TBC1D8B: variants seen among roughly 807,000 people sequenced by gnomAD.
TBC1D8B encodes RP11-321G1.1.
TBC1D8B carries 75 observed loss-of-function variants against 82.9 expected under a neutral mutation model. The observed-to-expected ratio is 0.90, with a 90% CI of 0.75 to 1.10. The LOEUF is 1.10. TBC1D8B is among the 50% of genes least tolerant of loss of function. TBC1D8B has a pLI of 0.00. For missense variants in TBC1D8B, 794 were observed against 796.9 expected (o/e 1.00, Z 0.04); for synonymous variants, 276 against 276.8 (o/e 1.00, Z 0.03).
At chrX:106,820,277 G>A (rs1290226302) in intron 2 of TBC1D8B, among the ~76,000 whole-genome samples, 2 of 110,665 alleles carry the variant, frequency 1.8e-5, no homozygotes, top group Non-Finnish European at 3.8e-5. Context: ...CTGATTCAGC[G>A]GGTCACATGG....
intron 7 of TBC1D8B, among the ~76,000 whole-genome samples, chrX:106,830,786 C>T (rs780954999): frequency 2.9e-5 from 2 of 69,923 alleles, no homozygotes; most frequent in Non-Finnish European, 2.5e-5. Context: ...CACACTCTGG[C>T]GACTGTGGTG....
intron 7 of TBC1D8B, among the ~76,000 whole-genome samples, chrX:106,831,137 A>C (rs1932036793): frequency 9.0e-6 from 1 of 110,870 alleles, no homozygotes; most frequent in Non-Finnish European, 1.9e-5. Flanking sequence ...TTTGTATTTT[A>C]ATTAAAATTC....
At position 106,827,170 on chromosome X, in the gene TBC1D8B, G is replaced by T; in HGVS notation, c.1036G>T (p.Val346Phe). Residue 346 changes from valine to phenylalanine, a missense_variant and splice_region_variant, in exon 7 of 21, where the codon GTC (valine) becomes TTC (phenylalanine). Coordinates refer to ENST00000357242, the MANE Select transcript of TBC1D8B (RefSeq NM_017752.3). The stretch of plus-strand genomic sequence containing the variant: ...GACCTCTATGTTTTTCACCCCCTAG[G>T]TCTTAGCTATAGATAAGACAAATGA... ...QCSVIIPLRE[V>F]LAIDKTNDSS... The T allele has an allele frequency of 8.3e-7, 1 of 1,209,044 alleles. No homozygotes were observed. Among genetic ancestry groups the T allele is most frequent in the Non-Finnish European group, 1.1e-6 (1 of 894,154 alleles).
In TBC1D8B at chrX:106,853,533, T is replaced by A. The variant is rs769167872; in HGVS notation, c.2136T>A (p.Asn712Lys). 2.5e-6 allele frequency: 3 copies of A among 1,206,110 alleles called. No individual in the cohort carries two copies. The highest frequency in any genetic ancestry group is 3.5e-5 in the South Asian group (2 of 56,391). The change falls in exon 13 of 21, where the codon AAT becomes AAA. Residue 712 changes from asparagine (N) to lysine (K), a missense_variant. Asn to Lys is a moderately conservative substitution (Grantham distance 94, BLOSUM62 0). Transcript: ENST00000357242. ...CACTTTTCAATAGGTTCTTTGACAA[T>A]GTCACTAATAAGGATAGTCCATTGC... is the stretch of plus-strand genomic sequence containing the variant. ...AVTALNRFFD[N>K]VTNKDSPLPS...
At chrX:106,812,496 A>T (rs1196096416) in intron 1 of TBC1D8B, among the ~76,000 whole-genome samples, 1 of 112,070 alleles carries the variant, frequency 8.9e-6, no homozygotes, top group Non-Finnish European at 1.9e-5. Flanking sequence ...AGTTCATTAC[A>T]TGGCTCTTCT....
rs372021323 is a variant in TBC1D8B, at chrX:106,840,896, C to G, written c.1719+12C>G. 20 of 1,177,718 alleles carry G rather than the reference C, an allele frequency of 1.7e-5. No individual in the cohort carries two copies. In the Admixed American group the frequency reaches 3.1e-4, roughly 18 times the overall value. ...TTGGATACTGCCAGGTATGACTTAACTATGAGCCCAACTGTGTGTATGTTC... is the reference window on the plus strand; with the variant it reads ...TTGGATACTGCCAGGTATGACTTAAGTATGAGCCCAACTGTGTGTATGTTC... On this transcript the variant is annotated intron_variant, in intron 10 of 20. Transcript: ENST00000357242.
intron 14 of TBC1D8B, 39 bp downstream of exon 14, chrX:106,854,335 A>ATT: frequency 1.6e-5 from 15 of 914,165 alleles, no homozygotes; most frequent in East Asian, 3.6e-5. Flanking sequence ...AGTTGGAGTA[A>ATT]TTTTTTTTTT....
chrX:106,864,922 AT>A (rs1932803977), intron 14 of TBC1D8B, among the ~76,000 whole-genome samples: 1 of 111,749 alleles, frequency 8.9e-6, no homozygotes, highest in Non-Finnish European at 1.9e-5. Context: ...TGTCTATCTT[AT>A]TGATTTTTTC....
At position 106,866,053 on chromosome X, in the gene TBC1D8B, C is replaced by CAA. The variant is rs113487148; in HGVS notation, c.2662+29_2662+30dup. On this transcript the variant is annotated intron_variant, in intron 16 of 20. Transcript: ENST00000357242. ...CAATTGGTAAGATGATTTTTTTAAG[C>CAA]AAAAAAAAAAGGTGCTCCTAGAAAT... The CAA allele has an allele frequency of 2.0e-4, 191 of 977,083 alleles. 2 individuals carry two copies. In the African/African-American group the frequency reaches 3.7e-3, roughly 19 times the overall value. The allele number at this position is 977,083 out of a possible 1,213,427, so 80.5% of individuals were successfully genotyped here.
chrX:106,865,871 G>A lies in TBC1D8B; in HGVS notation c.2500G>A (p.Glu834Lys), dbSNP rs200442529. 757 of 1,208,962 alleles carry A rather than the reference G, an allele frequency of 6.3e-4. No individual in the cohort carries two copies. The highest frequency in any genetic ancestry group is 6.9e-4 in the Non-Finnish European group (619 of 894,844). Reference protein sequence around the residue: ...KHHDPSLPYLEQYQIDCQQFR... With the variant: ...KHHDPSLPYLKQYQIDCQQFR... Reference sequence around the variant, plus strand: ...TCATGACCCCAGTCTGCCATATTTGGAACAGTATCAGATTGACTGCCAGCA... The same window carrying A: ...TCATGACCCCAGTCTGCCATATTTGAAACAGTATCAGATTGACTGCCAGCA... Residue 834 changes from glutamate to lysine, a missense_variant, in exon 16 of 21, where the codon GAA becomes AAA. Coordinates refer to ENST00000357242, the MANE Select transcript of TBC1D8B (RefSeq NM_017752.3).
intron 10 of TBC1D8B, among the ~76,000 whole-genome samples, chrX:106,842,459 T>C (rs1238486202): frequency 9.0e-6 from 1 of 111,033 alleles, no homozygotes; most frequent in African/African-American, 3.3e-5. Context: ...TAGGTTCACA[T>C]TGGAATAAAA....
Position 106,848,276 on chromosome X carries a change from C to T in TBC1D8B, c.1810C>T (p.Pro604Ser). 1 of 1,186,220 alleles carries T rather than the reference C, an allele frequency of 8.4e-7. No individual in the cohort carries two copies. The highest frequency in any genetic ancestry group is 1.1e-6 in the Non-Finnish European group (1 of 879,483). The change falls in exon 11 of 21, where the codon CCT becomes TCT. Residue 604 changes from proline to serine, a missense_variant. Coordinates refer to ENST00000357242, the MANE Select transcript of TBC1D8B (RefSeq NM_017752.3). ...GGTTGCTGTATGTGAACGAATGTTG[C>T]CTGATTATTTTAATCGTCGAATTAT... ...LLVAVCERML[P>S]DYFNRRIIGA...
At chrX:106,866,435 A>T (rs1016876290) in intron 16 of TBC1D8B, among the ~76,000 whole-genome samples, 1 of 111,795 alleles carries the variant, frequency 8.9e-6, no homozygotes, top group African/African-American at 3.2e-5. Context: ...TTGTACCTGT[A>T]GATATTGTTC....
intron 10 of TBC1D8B, among the ~76,000 whole-genome samples, chrX:106,843,085 T>C (rs1437482220): frequency 8.9e-6 from 1 of 112,050 alleles, no homozygotes. Flanking sequence ...ATTTTGTTTA[T>C]TCAATGTTAA....
At position 106,840,074 on chromosome X, in the gene TBC1D8B, A is replaced by G. The variant is rs56825776; in HGVS notation, c.1380A>G (p.Ser460=). ...KMLKEKMKEQ[S]WKILFAECGR... is the part of the protein sequence containing the mutation. The stretch of plus-strand genomic sequence containing the variant: ...TGAAAGAAAAAATGAAGGAACAGTC[A>G]TGGAAAATACTGTTTGCAGAATGTG... Residue 460 remains serine, a synonymous_variant, in exon 9 of 21, where the codon TCA becomes TCG. Coordinates refer to ENST00000357242, the MANE Select transcript of TBC1D8B (RefSeq NM_017752.3). The G allele has an allele frequency of 0.012, 14,566 of 1,204,340 alleles. 1,144 individuals are homozygous for G. The African/African-American group carries it at 0.22, about 18-fold the overall frequency.
At chrX:106,840,976 G>C in intron 10 of TBC1D8B, 92 bp downstream of exon 10, 1 of 771,113 alleles carries the variant, frequency 1.3e-6, no homozygotes, top group African/African-American at 2.0e-5. Context: ...CGATTATAAG[G>C]AAAGAGATGG....
At chrX:106,835,157 C>T (rs776852601) in intron 7 of TBC1D8B, among the ~76,000 whole-genome samples, 3 of 112,771 alleles carry the variant, frequency 2.7e-5, no homozygotes, top group Non-Finnish European at 3.8e-5. Flanking sequence ...CATTTCCATA[C>T]ATCCTCTGAA....
At chrX:106,805,072 C>T (rs866755245) in intron 1 of TBC1D8B, among the ~76,000 whole-genome samples, 10 of 54,568 alleles carry the variant, frequency 1.8e-4, no homozygotes, top group Admixed American at 1.0e-3. Context: ...TGCAAGTTTC[C>T]TTTTTTTTTT....
At chrX:106,803,644 A>G (rs1931100991) in intron 1 of TBC1D8B, among the ~76,000 whole-genome samples, 2 of 111,532 alleles carry the variant, frequency 1.8e-5, no homozygotes, top group Admixed American at 1.9e-4. Flanking sequence ...TAATAAATTA[A>G]TCTCTTGAGT....
Sources: allele counts gnomAD v4.1 joint callset (sites outside exome capture counted in the v4.1 genomes callset), GRCh38; gene constraint gnomAD v4.1.1; transcripts MANE v1.5; gene names NCBI Gene and HGNC (gene_info 2026-07-23, HGNC 2026-07-21).